Variants in HEBP1 observed in about 807,000 individuals in gnomAD.
HEBP1 encodes heme-binding protein 1.
HEBP1 carries 13 observed loss-of-function variants against 20.4 expected under a neutral mutation model. The observed-to-expected ratio is 0.64, with a 90% CI of 0.42 to 1.01. The LOEUF is 1.01. Among genes scored for constraint, HEBP1 ranks in the 50% least tolerant of loss-of-function variants. The probability of loss-of-function intolerance (pLI) is 0.00; values close to 1 mark genes in which losing one functional copy is unlikely to be tolerated. For synonymous variants in HEBP1, 92 were observed against 90.7 expected (o/e 1.01, Z -0.08); for missense variants, 241 against 247.3 (o/e 0.97, Z 0.17).
chr12:12,980,981 G>C (rs985413766), intron 3 of HEBP1, among the ~76,000 whole-genome samples: 1 of 152,266 alleles, frequency 6.6e-6, no homozygotes, highest in African/African-American at 2.4e-5. Context: ...GATGTGATCA[G>C]TCCTGTGCCT....
At chr12:12,990,202 ACTCTGTCACCCAGG>A (rs1233751352) in intron 1 of HEBP1, among the ~76,000 whole-genome samples, 1 of 151,282 alleles carries the variant, frequency 6.6e-6, no homozygotes, top group Non-Finnish European at 1.5e-5. Context: ...ACAGTGTTTC[ACTCTGTCACCCAGG>A]CTGGTGTGCA....
intron 3 of HEBP1, among the ~76,000 whole-genome samples, chr12:12,978,110 G>A (rs149748548): frequency 3.4e-4 from 51 of 151,826 alleles, no homozygotes; most frequent in African/African-American, 1.2e-3. Context: ...CAGGAGAAGT[G>A]GATCCACTGC....
intron 1 of HEBP1, among the ~76,000 whole-genome samples, chr12:12,993,209 T>C (rs1864247993): frequency 7.5e-6 from 1 of 132,824 alleles, no homozygotes; most frequent in Non-Finnish European, 1.6e-5. Flanking sequence ...CAGGGTCTCA[T>C]GGTTGCTCAA....
intron 1 of HEBP1, among the ~76,000 whole-genome samples, chr12:12,991,101 G>A (rs1864219686): frequency 6.6e-6 from 1 of 152,208 alleles, no homozygotes; most frequent in African/African-American, 2.4e-5. Flanking sequence ...CTCCCGCAGA[G>A]CTGGCTCTGC....
chr12:12,995,114 G>A (rs370712111), intron 1 of HEBP1, among the ~76,000 whole-genome samples: 1 of 152,028 alleles, frequency 6.6e-6, no homozygotes, highest in African/African-American at 2.4e-5. Context: ...CCTCTCCCTG[G>A]AGCATTCTCC....
At chr12:12,984,065 T>C (rs1592402099) in intron 3 of HEBP1, 2 of 195,228 alleles carry the variant, frequency 1.0e-5, no homozygotes, top group East Asian at 2.8e-4. Context: ...CATATGTTTA[T>C]AATTACACTC....
At chr12:12,992,166 G>A (rs1381154776) in intron 1 of HEBP1, among the ~76,000 whole-genome samples, 7 of 152,256 alleles carry the variant, frequency 4.6e-5, no homozygotes, top group South Asian at 2.1e-4. Context: ...AGGACTGTAC[G>A]GCTGTGAGTG....
At chr12:12,985,024 T>C (rs73287262) in intron 3 of HEBP1, among the ~76,000 whole-genome samples, 6,455 of 151,994 alleles carry the variant, frequency 0.042, 450 homozygotes, top group African/African-American at 0.14. Flanking sequence ...GGCAGGTTCC[T>C]GTACTCCCAG....
At chr12:12,975,589 T>A in intron 3 of HEBP1, 110 bp from the exon 4 acceptor site, 1 of 908,374 alleles carries the variant, frequency 1.1e-6, no homozygotes, top group Non-Finnish European at 1.6e-6. Context: ...CATGCTAGAG[T>A]GGTAAGACTG....
chr12:12,987,334 TG>T lies in HEBP1; in HGVS notation c.218-3del. The T allele has an allele frequency of 6.2e-7, 1 of 1,611,738 alleles. No individual in the cohort carries two copies. The highest frequency in any genetic ancestry group is 1.3e-5 in the African/African-American group (1 of 74,924). ...GGACTGTCATCCCCATCCCAATTCC[TG>T]AAAACACAAAAGCACAGAGTGAGGC... On this transcript the variant is annotated splice_region_variant and splice_polypyrimidine_tract_variant and intron_variant, in intron 2 of 3. Coordinates refer to ENST00000014930, the MANE Select transcript of HEBP1 (RefSeq NM_015987.5).
rs868798771 is a variant in HEBP1 at position 12,990,139 on chromosome 12, C to A, written c.79-724G>T. 7.2e-3 allele frequency among the ~76,000 whole-genome samples: 1,083 copies of A among 149,564 alleles called. 5 individuals carry two copies. Among genetic ancestry groups the A allele is most frequent in the Non-Finnish European group, 9.9e-3 (669 of 67,436 alleles). On this transcript the variant is annotated intron_variant, in intron 1 of 3. Transcript: ENST00000014930. The stretch of plus-strand genomic sequence containing the variant: ...GTGCACACACACACACACACACACA[C>A]ACACACACACAAACACACACACATG...
At chr12:12,975,509 G>A (rs200590186) in intron 3 of HEBP1, 30 bp from the exon 4 acceptor site, 37 of 1,582,102 alleles carry the variant, frequency 2.3e-5, no homozygotes, top group Non-Finnish European at 2.0e-5. Flanking sequence ...GGCTGGTTAC[G>A]AAAGGACATG....
At chr12:12,980,186 C>T (rs1592399748) in intron 3 of HEBP1, 1 of 152,368 alleles carries the variant, frequency 6.6e-6, no homozygotes, top group South Asian at 2.1e-4. Flanking sequence ...AGAGAGGCTT[C>T]ACACAATAAG....
At chr12:12,981,399 C>T (rs1413817611) in intron 3 of HEBP1, among the ~76,000 whole-genome samples, 3 of 152,166 alleles carry the variant, frequency 2.0e-5, no homozygotes, top group African/African-American at 4.8e-5. Flanking sequence ...TACAGAGAAA[C>T]AGCCTGAAGC....
In HEBP1 at chr12:12,989,299, A is replaced by G; in HGVS notation, c.195T>C (p.Tyr65=). 1.2e-6 allele frequency: 2 copies of G among 1,614,150 alleles called. No homozygotes were observed. The highest frequency in any genetic ancestry group is 1.7e-6 in the Non-Finnish European group (2 of 1,180,022). The change falls in exon 2 of 4, where the codon TAT becomes TAC. Residue 65 remains tyrosine (Y), a synonymous_variant. Transcript: ENST00000014930. ...CACCCTTGTCATTGGTGCCCCCCGC[A>G]TACTTTGCGACCTTGGGCATTGCTT... is the stretch of plus-strand genomic sequence containing the variant. The part of the protein sequence containing the change: ...LREAMPKVAK[Y]AGGTNDKGIG...
At chr12:12,991,382 T>C (rs1864223938) in intron 1 of HEBP1, among the ~76,000 whole-genome samples, 1 of 152,196 alleles carries the variant, frequency 6.6e-6, no homozygotes, top group African/African-American at 2.4e-5. Context: ...TCTCCCTAAC[T>C]CTTGTCTCAC....
chr12:12,999,572 T>C (rs2136555009), intron 1 of HEBP1, among the ~76,000 whole-genome samples: 2 of 152,332 alleles, frequency 1.3e-5, no homozygotes, highest in African/African-American at 4.8e-5. Context: ...TTCTGGAATT[T>C]TCCATTTAAT....
chr12:12,979,223 A>AG (rs1034931962), intron 3 of HEBP1, among the ~76,000 whole-genome samples: 2 of 152,202 alleles, frequency 1.3e-5, no homozygotes, highest in African/African-American at 4.8e-5. Flanking sequence ...TCACTCAGGG[A>AG]GTCCTAAAAT....
chr12:12,984,499 G>GAA (rs1864128324), intron 3 of HEBP1: 2 of 152,216 alleles, frequency 1.3e-5, no homozygotes, highest in Admixed American at 1.3e-4. Context: ...GGCTCAGAGG[G>GAA]ATGTGGTAAA....
Sources: allele counts gnomAD v4.1 joint callset (sites outside exome capture counted in the v4.1 genomes callset), GRCh38; gene constraint gnomAD v4.1.1; transcripts MANE v1.5; gene names NCBI Gene and HGNC (gene_info 2026-07-23, HGNC 2026-07-21).